CAV1: variants seen among roughly 807,000 people sequenced by gnomAD.
CAV1 encodes the protein caveolin 1.
Under a neutral mutation model 16.5 loss-of-function variants are expected in CAV1, and 10 were observed. The observed-to-expected ratio is 0.61, with a 90% CI of 0.37 to 1.03. The LOEUF is 1.03. CAV1 is among the 50% of genes least tolerant of loss of function. CAV1 has a pLI of 0.01. For synonymous variants in CAV1, 76 were observed against 85.1 expected, an observed-to-expected ratio of 0.89 and a Z score of 0.59; for missense variants, 212 against 232.8, an observed-to-expected ratio of 0.91 and a Z score of 0.58.
intron 2 of CAV1, chr7:116,527,116 G>C (rs1490830730): frequency 7.3e-6 from 2 of 275,068 alleles, no homozygotes; most frequent in Non-Finnish European, 1.4e-5. Context: ...GTCAGGTCTT[G>C]TGCTGAGGAT....
At chr7:116,544,248 A>T (rs1203251618) in intron 2 of CAV1, among the ~76,000 whole-genome samples, 1 of 152,232 alleles carries the variant, frequency 6.6e-6, no homozygotes, top group Non-Finnish European at 1.5e-5. Context: ...TGCAATCACT[A>T]ATTCTTACGC....
Position 116,559,518 on chromosome 7 carries a change from C to A in CAV1, c.*231C>A. On this transcript the variant is annotated 3_prime_UTR_variant, in exon 3 of 3. Coordinates refer to ENST00000341049, the MANE Select transcript of CAV1 (RefSeq NM_001753.5). ...AACCCATTTAAATTTTTTTCCTTAC[C>A]TTTTTATTTGCATGTGGATCAACCA... The A allele has an allele frequency of 1.7e-6, 1 of 599,418 alleles. No individual in the cohort carries two copies. The highest frequency in any genetic ancestry group is 2.8e-5 in the East Asian group (1 of 36,210). 37.1% of individuals were successfully genotyped at this position (599,418 alleles called of 1,614,324 possible). A position where few individuals can be genotyped will look rare whatever the true frequency, so the allele number is the denominator to read the frequency against.
chr7:116,552,174 A>T (rs1472843857), intron 2 of CAV1, among the ~76,000 whole-genome samples: 1 of 152,182 alleles, frequency 6.6e-6, no homozygotes, highest in African/African-American at 2.4e-5. Flanking sequence ...GGTCATTGAA[A>T]GCCATCTTAG....
intron 2 of CAV1, among the ~76,000 whole-genome samples, chr7:116,546,697 C>CAAAAGAAAAAAAAAAAAAA (rs1794054721): frequency 1.1e-5 from 1 of 88,386 alleles, no homozygotes; most frequent in African/African-American, 4.4e-5. Flanking sequence ...GACTCTGTCA[C>CAAAAGAAAAAAAAAAAAAA]AAAAAAAAAA....
chr7:116,545,754 A>C lies in CAV1; in HGVS notation c.196-13192A>C, dbSNP rs1398524577. On this transcript the variant is annotated intron_variant, in intron 2 of 2. Transcript: ENST00000341049. ...AATGGGTAGACTGAAAATGATGAAG[A>C]CATTTCCGTTTCTTGTGTCTTTGAT... is the stretch of plus-strand genomic sequence containing the variant. Among the ~76,000 whole-genome samples, 4 of 152,200 alleles carry C rather than the reference A, an allele frequency of 2.6e-5. No individual in the cohort carries two copies. In the East Asian group the frequency reaches 5.8e-4, roughly 22 times the overall value.
intron 2 of CAV1, among the ~76,000 whole-genome samples, chr7:116,539,689 G>A (rs1263325631): frequency 1.3e-5 from 2 of 152,012 alleles, no homozygotes; most frequent in African/African-American, 2.4e-5. Flanking sequence ...AGGTTGAGGA[G>A]GACACAAATA....
At chr7:116,539,847 T>C (rs1793901100) in intron 2 of CAV1, among the ~76,000 whole-genome samples, 1 of 152,138 alleles carries the variant, frequency 6.6e-6, no homozygotes, top group Admixed American at 6.5e-5. Context: ...CTGTTTGGCA[T>C]TGCCCTTAAG....
rs35182456 is a variant in CAV1 at position 116,525,120 on chromosome 7, C to T, written c.30+28C>T. On this transcript the variant is annotated intron_variant, in intron 1 of 2. Coordinates refer to ENST00000341049, the MANE Select transcript of CAV1 (RefSeq NM_001753.5). ...AGGCATCCGTGGGGGGGCGCCGGCT[C>T]GGGCGTGCGGGGAGTGTCCGCTTCT... 49,559 of 1,614,140 alleles carry T rather than the reference C, an allele frequency of 0.031. 873 individuals carry two copies. Among genetic ancestry groups the T allele is most frequent in the Middle Eastern group, 0.043 (261 of 6,062 alleles).
At chr7:116,552,228 A>T (rs1008867123) in intron 2 of CAV1, among the ~76,000 whole-genome samples, 16 of 152,136 alleles carry the variant, frequency 1.1e-4, no homozygotes, top group Admixed American at 3.3e-4. Context: ...AGATGAAAAG[A>T]ATATATTAAT....
intron 2 of CAV1, among the ~76,000 whole-genome samples, chr7:116,555,596 GAAAGAAAGAGAAAGAAAGAAAGA>G (rs1562838678): frequency 1.2e-4 from 10 of 81,970 alleles, no homozygotes; most frequent in African/African-American, 5.0e-4. Context: ...AAGAAAGAAA[GAAAGAAAGAGAAAGAAAGAAAGA>G]AGGGAGGGAG....
At chr7:116,553,366 A>T (rs1794201422) in intron 2 of CAV1, among the ~76,000 whole-genome samples, 1 of 152,058 alleles carries the variant, frequency 6.6e-6, no homozygotes, top group Non-Finnish European at 1.5e-5. Flanking sequence ...TTGTAGTATC[A>T]TAAGCCAATG....
At chr7:116,535,273 G>T (rs951732191) in intron 2 of CAV1, among the ~76,000 whole-genome samples, 1 of 152,150 alleles carries the variant, frequency 6.6e-6, no homozygotes, top group Admixed American at 6.6e-5. Context: ...TAGCAGAATA[G>T]GCAAAATTTC....
intron 2 of CAV1, among the ~76,000 whole-genome samples, chr7:116,547,942 C>G (rs1794087418): frequency 1.3e-5 from 2 of 152,302 alleles, no homozygotes; most frequent in African/African-American, 2.4e-5. Context: ...AGATTCGAAC[C>G]CAGCCTCCAT....
At chr7:116,556,018 T>C (rs1454832492) in intron 2 of CAV1, among the ~76,000 whole-genome samples, 1 of 152,204 alleles carries the variant, frequency 6.6e-6, no homozygotes, top group African/African-American at 2.4e-5. Context: ...ATTTTTGTCA[T>C]GTTGCTTTCC....
Position 116,559,091 on chromosome 7 carries a change from T to C in CAV1, c.341T>C (p.Ile114Thr), listed in dbSNP as rs2116116072. 8.7e-6 allele frequency: 14 copies of C among 1,613,924 alleles called. No homozygotes were observed. The highest frequency in any genetic ancestry group is 1.1e-5 in the Non-Finnish European group (13 of 1,179,912). The change falls in exon 3 of 3, where the codon ATC becomes ACC. Residue 114 changes from isoleucine to threonine, a missense_variant. By Grantham distance (89) the Ile-to-Thr change is moderately conservative. Coordinates refer to ENST00000341049, the MANE Select transcript of CAV1 (RefSeq NM_001753.5). ...SALFGIPMAL[I>T]WGIYFAILSF... ...CTCTTTGGCATCCCGATGGCACTCA[T>C]CTGGGGCATTTACTTCGCCATTCTC...
chr7:116,536,853 A>C (rs867675367), intron 2 of CAV1, among the ~76,000 whole-genome samples: 1 of 150,928 alleles, frequency 6.6e-6, no homozygotes, highest in Non-Finnish European at 1.5e-5. Flanking sequence ...AATACAAAAA[A>C]TTAGCCGGGC....
At position 116,559,785 on chromosome 7, in the gene CAV1, T is replaced by C. The variant is rs1220012412; in HGVS notation, c.*498T>C. 2.4e-6 allele frequency: 1 copy of C among 416,586 alleles called. No homozygotes were observed. 25.8% of individuals were successfully genotyped at this position (416,586 alleles called of 1,614,324 possible). A position where few individuals can be genotyped will look rare whatever the true frequency, so the allele number is the denominator to read the frequency against. ...TTAAGGAGTTAGTGGATTACTGCCA[T>C]TCACTTCATAATCCAGTAGGATCCA... On this transcript the variant is annotated 3_prime_UTR_variant, in exon 3 of 3. Coordinates refer to ENST00000341049, the MANE Select transcript of CAV1 (RefSeq NM_001753.5).
intron 2 of CAV1, chr7:116,542,673 T>C (rs937953196): frequency 6.6e-6 from 1 of 152,220 alleles, no homozygotes. Flanking sequence ...TGAGATATAC[T>C]TTGTACATAG....
At chr7:116,533,339 A>AAAATAAAAT (rs201394751) in intron 2 of CAV1, among the ~76,000 whole-genome samples, 2 of 39,400 alleles carry the variant, frequency 5.1e-5, no homozygotes, top group African/African-American at 1.2e-4. Context: ...TCCGTCTCAA[A>AAAATAAAAT]AAATAAAATA....
Sources: allele counts gnomAD v4.1 joint callset (sites outside exome capture counted in the v4.1 genomes callset), GRCh38; gene constraint gnomAD v4.1.1; transcripts MANE v1.5; gene names NCBI Gene and HGNC (gene_info 2026-07-23, HGNC 2026-07-21).